The following WWOX variants were observed in gnomAD, a reference collection of about 807,000 sequenced individuals.
The protein encoded by WWOX is WW domain-containing oxidoreductase.
Under a neutral mutation model 46.2 loss-of-function variants are expected in WWOX, and 69 were observed. That is an observed-to-expected ratio of 1.49 (90% CI 1.23 to 1.82). The LOEUF (loss-of-function observed/expected upper bound fraction) is 1.82. WWOX is among the 40% of genes most tolerant of loss of function. WWOX has a pLI of 0.00. For synonymous variants in WWOX, 359 were observed against 202.6 expected (o/e 1.77, Z -6.56); for missense variants, 919 against 542.6 (o/e 1.69, Z -6.89).
At chr16:78,764,475 C>T (rs2049879469) in intron 8 of WWOX, among the ~76,000 whole-genome samples, 2 of 148,316 alleles carry the variant, frequency 1.3e-5, no homozygotes, top group South Asian at 4.7e-4. Context: ...AAAATTAAGA[C>T]TGTTTTCATC....
chr16:78,949,269 G>T (rs773815581), intron 8 of WWOX, among the ~76,000 whole-genome samples: 3 of 152,100 alleles, frequency 2.0e-5, no homozygotes. Flanking sequence ...CTTTGCCTGG[G>T]ACTTCCAACC....
chr16:78,866,338 G>C (rs2044002604), intron 8 of WWOX, among the ~76,000 whole-genome samples: 1 of 152,060 alleles, frequency 6.6e-6, no homozygotes, highest in Non-Finnish European at 1.5e-5. Context: ...CCCTCTGGGG[G>C]ACTGAGACAT....
intron 8 of WWOX, among the ~76,000 whole-genome samples, chr16:78,984,779 G>T (rs112469394): frequency 4.6e-5 from 7 of 152,274 alleles, no homozygotes; most frequent in Admixed American, 4.6e-4. Context: ...TTCCTCTGTG[G>T]TGTCTGTGGA....
intron 8 of WWOX, among the ~76,000 whole-genome samples, chr16:79,059,629 G>C (rs1419530539): frequency 6.6e-6 from 1 of 152,104 alleles, no homozygotes; most frequent in Non-Finnish European, 1.5e-5. Flanking sequence ...CAAGTAGCTG[G>C]GATTATAGGC....
chr16:78,593,737 AGAGAGAG>A (rs1441814880), intron 8 of WWOX, among the ~76,000 whole-genome samples: 1,629 of 47,290 alleles, frequency 0.034, 28 homozygotes, highest in African/African-American at 0.063. Context: ...AAAAAAAAAA[AGAGAGAG>A]AGAGAGAGAG....
intron 8 of WWOX, among the ~76,000 whole-genome samples, chr16:78,833,421 ATCTCCT>A (rs1226753870): frequency 4.1e-4 from 34 of 83,120 alleles, no homozygotes; most frequent in African/African-American, 1.1e-3. Flanking sequence ...TGGCCCAGCC[ATCTCCT>A]CCTCCTCCTC....
At chr16:78,363,612 A>C (rs991745897) in intron 5 of WWOX, among the ~76,000 whole-genome samples, 6 of 152,308 alleles carry the variant, frequency 3.9e-5, no homozygotes, top group South Asian at 4.1e-4. Context: ...TAAGAAATCC[A>C]CATCTGAGAG....
chr16:78,453,072 G>C (rs1467606596), intron 8 of WWOX, among the ~76,000 whole-genome samples: 1 of 151,818 alleles, frequency 6.6e-6, no homozygotes, highest in Non-Finnish European at 1.5e-5. Context: ...TGTGAAGACG[G>C]GTTTCATCAT....
chr16:78,955,531 G>A (rs1039095512), intron 8 of WWOX, among the ~76,000 whole-genome samples: 2 of 151,784 alleles, frequency 1.3e-5, no homozygotes, highest in Non-Finnish European at 2.9e-5. Flanking sequence ...CAGGCTGCAG[G>A]GATAATAACT....
At chr16:79,204,161 C>A (rs2051432587) in intron 8 of WWOX, 1 of 152,064 alleles carries the variant, frequency 6.6e-6, no homozygotes, top group Non-Finnish European at 1.5e-5. Flanking sequence ...ATGTTTCATC[C>A]CTATTCATAA....
intron 8 of WWOX, among the ~76,000 whole-genome samples, chr16:78,727,089 C>T (rs2048853235): frequency 6.6e-6 from 1 of 152,148 alleles, no homozygotes; most frequent in Non-Finnish European, 1.5e-5. Context: ...ATGCAGAATG[C>T]ATCCATGGAA....
intron 8 of WWOX, among the ~76,000 whole-genome samples, chr16:78,868,037 T>G (rs1404271378): frequency 6.6e-6 from 1 of 152,164 alleles, no homozygotes; most frequent in East Asian, 1.9e-4. Context: ...CCTAAGAACC[T>G]ACTGGAAAGA....
chr16:78,835,752 CAAT>C (rs1249282354), intron 8 of WWOX, among the ~76,000 whole-genome samples: 4 of 152,250 alleles, frequency 2.6e-5, no homozygotes, highest in Middle Eastern at 6.8e-3. Flanking sequence ...GAAACGAAAA[CAAT>C]AACAACAAAA....
intron 8 of WWOX, among the ~76,000 whole-genome samples, chr16:78,581,549 T>A (rs2045053377): frequency 6.6e-6 from 1 of 152,200 alleles, no homozygotes; most frequent in South Asian, 2.1e-4. Flanking sequence ...ATGGTAATGA[T>A]CTTTTTAGAT....
At chr16:78,416,344 G>A (rs1430800842) in intron 6 of WWOX, among the ~76,000 whole-genome samples, 1 of 152,126 alleles carries the variant, frequency 6.6e-6, no homozygotes, top group Non-Finnish European at 1.5e-5. Flanking sequence ...TTTTCCTTTT[G>A]TACAAGCCAA....
chr16:78,712,121 A>T (rs924378717), intron 8 of WWOX, among the ~76,000 whole-genome samples: 1 of 152,116 alleles, frequency 6.6e-6, no homozygotes, highest in African/African-American at 2.4e-5. Flanking sequence ...TGAGTGAGAA[A>T]ATGCTCTGAC....
chr16:78,633,748 T>C (rs991151415), intron 8 of WWOX, among the ~76,000 whole-genome samples: 43 of 152,364 alleles, frequency 2.8e-4, no homozygotes, highest in Admixed American at 5.9e-4. Context: ...CTCCGACTTA[T>C]GTATGATTCA....
intron 5 of WWOX, among the ~76,000 whole-genome samples, chr16:78,266,566 C>T (rs971066195): frequency 6.6e-6 from 1 of 152,176 alleles, no homozygotes; most frequent in Non-Finnish European, 1.5e-5. Flanking sequence ...CTGGAACTAG[C>T]CTGCTTGAGT....
At chr16:78,564,309 T>A (rs2044511222) in intron 8 of WWOX, among the ~76,000 whole-genome samples, 1 of 152,352 alleles carries the variant, frequency 6.6e-6, no homozygotes, top group East Asian at 1.9e-4. Flanking sequence ...GTGTAGTGTT[T>A]GCCCTTTTCC....
Sources: allele counts gnomAD v4.1 joint callset (sites outside exome capture counted in the v4.1 genomes callset), GRCh38; gene constraint gnomAD v4.1.1; transcripts MANE v1.5; gene names NCBI Gene and HGNC (gene_info 2026-07-23, HGNC 2026-07-21).